Variants in KCNIP4 observed in about 807,000 individuals in gnomAD.
KCNIP4 encodes potassium voltage-gated channel interacting protein 4, also known as Kv channel-interacting protein 4.
KCNIP4 carries 12 observed loss-of-function variants against 34.0 expected under a neutral mutation model. That is an observed-to-expected ratio of 0.35 (90% CI 0.23 to 0.57). The LOEUF is 0.57. Among genes scored for constraint, KCNIP4 ranks in the 20% least tolerant of loss-of-function variants. The pLI is 0.83. For missense variants in KCNIP4, 238 were observed against 311.7 expected, an observed-to-expected ratio of 0.76 and a Z score of 1.78; for synonymous variants, 124 against 102.2, an observed-to-expected ratio of 1.21 and a Z score of -1.29.
At chr4:21,720,508 T>C (rs913842706) in intron 1 of KCNIP4, among the ~76,000 whole-genome samples, 1 of 146,748 alleles carries the variant, frequency 6.8e-6, no homozygotes, top group African/African-American at 2.6e-5. Context: ...TGTTGTTTTT[T>C]TTCCCCCATT....
At chr4:21,077,189 T>C (rs1224185267) in intron 1 of KCNIP4, among the ~76,000 whole-genome samples, 2 of 152,014 alleles carry the variant, frequency 1.3e-5, no homozygotes, top group Non-Finnish European at 2.9e-5. Flanking sequence ...TGAGGTTTTA[T>C]TGCTCCATTT....
intron 1 of KCNIP4, among the ~76,000 whole-genome samples, chr4:21,675,204 A>C (rs1749797334): frequency 6.6e-6 from 1 of 152,208 alleles, no homozygotes; most frequent in African/African-American, 2.4e-5. Flanking sequence ...GAGAAAGACA[A>C]ATATTGCATA....
intron 1 of KCNIP4, among the ~76,000 whole-genome samples, chr4:21,771,126 A>G (rs1325662007): frequency 6.6e-6 from 1 of 152,144 alleles, no homozygotes; most frequent in Admixed American, 6.6e-5. Context: ...GTACAAGTGT[A>G]AAGAAGGGGT....
At chr4:21,089,887 T>C (rs1489951572) in intron 1 of KCNIP4, among the ~76,000 whole-genome samples, 2 of 152,192 alleles carry the variant, frequency 1.3e-5, no homozygotes, top group Non-Finnish European at 2.9e-5. Flanking sequence ...CCTATACTGG[T>C]TGTCTATTCT....
At chr4:21,355,924 T>C (rs371470029) in intron 1 of KCNIP4, among the ~76,000 whole-genome samples, 51 of 152,204 alleles carry the variant, frequency 3.4e-4, no homozygotes, top group East Asian at 2.7e-3. Flanking sequence ...GCAAACCGAA[T>C]CCAGCAGCAC....
intron 1 of KCNIP4, among the ~76,000 whole-genome samples, chr4:21,372,754 A>G (rs1446355878): frequency 6.8e-6 from 1 of 146,604 alleles, no homozygotes; most frequent in Non-Finnish European, 1.5e-5. Context: ...AGGAATATGA[A>G]CTAAAAAAGC....
chr4:21,785,186 A>G (rs955701896), intron 1 of KCNIP4, among the ~76,000 whole-genome samples: 3 of 152,168 alleles, frequency 2.0e-5, no homozygotes, highest in Admixed American at 6.5e-5. Flanking sequence ...CATATAACTC[A>G]CATACCACAG....
intron 1 of KCNIP4, among the ~76,000 whole-genome samples, chr4:21,673,858 C>T (rs535801016): frequency 2.0e-5 from 3 of 152,138 alleles, no homozygotes; most frequent in African/African-American, 2.4e-5. Flanking sequence ...TTCCATATGA[C>T]TGACTTGTAG....
intron 1 of KCNIP4, among the ~76,000 whole-genome samples, chr4:21,300,192 C>A (rs1008665330): frequency 1.3e-5 from 2 of 152,092 alleles, no homozygotes; most frequent in Non-Finnish European, 1.5e-5. Flanking sequence ...CCCAGTGTTA[C>A]ATATAGAGAT....
intron 1 of KCNIP4, among the ~76,000 whole-genome samples, chr4:21,510,078 CAA>C (rs759477091): frequency 2.8e-3 from 181 of 65,218 alleles, no homozygotes; most frequent in Middle Eastern, 8.8e-3. Flanking sequence ...ACTCCATCTC[CAA>C]AAAAAAAAAA....
intron 1 of KCNIP4, among the ~76,000 whole-genome samples, chr4:21,648,592 G>A (rs367583247): frequency 5.9e-5 from 9 of 152,218 alleles, no homozygotes; most frequent in Admixed American, 2.0e-4. Flanking sequence ...TGAGCCAGTC[G>A]TTTACATCAA....
At chr4:21,455,841 A>AAC (rs1728913008) in intron 1 of KCNIP4, among the ~76,000 whole-genome samples, 2 of 105,840 alleles carry the variant, frequency 1.9e-5, no homozygotes, top group African/African-American at 7.5e-5. Flanking sequence ...ATATATATAT[A>AAC]TATATATATA....
At chr4:21,816,722 C>T (rs905790914) in intron 1 of KCNIP4, among the ~76,000 whole-genome samples, 1 of 152,138 alleles carries the variant, frequency 6.6e-6, no homozygotes, top group Non-Finnish European at 1.5e-5. Context: ...CATCCCACCC[C>T]TATAATTATT....
chr4:20,830,319 C>T (rs1456512015), intron 3 of KCNIP4, among the ~76,000 whole-genome samples: 1 of 152,206 alleles, frequency 6.6e-6, no homozygotes, highest in Non-Finnish European at 1.5e-5. Context: ...ATGCCAACTG[C>T]TAACCTCAAG....
chr4:21,337,713 T>C (rs369381221), intron 1 of KCNIP4, among the ~76,000 whole-genome samples: 53 of 152,122 alleles, frequency 3.5e-4, no homozygotes, highest in African/African-American at 1.2e-3. Context: ...AAAAGATAAT[T>C]AATGTACCTC....
chr4:20,815,077 A>G (rs534142296), intron 3 of KCNIP4, among the ~76,000 whole-genome samples: 1 of 152,290 alleles, frequency 6.6e-6, no homozygotes, highest in South Asian at 2.1e-4. Context: ...AATGATTATT[A>G]TTGCTACTAC....
At chr4:21,773,746 T>TTTTTTTG (rs1553930245) in intron 1 of KCNIP4, among the ~76,000 whole-genome samples, 1 of 52,326 alleles carries the variant, frequency 1.9e-5, no homozygotes, top group African/African-American at 1.1e-4. Flanking sequence ...TTTTTTGTTG[T>TTTTTTTG]TTTTTTTTTT....
Position 21,736,789 on chromosome 4 carries a change from T to G in KCNIP4, c.61+211782A>C, listed in dbSNP as rs114223755. Among the ~76,000 whole-genome samples the G allele has an allele frequency of 3.6e-3, 549 of 152,262 alleles. 2 individuals carry two copies. Among genetic ancestry groups the G allele is most frequent in the African/African-American group, 0.012 (519 of 41,558 alleles). On this transcript the variant is annotated intron_variant, in intron 1 of 8. Coordinates refer to ENST00000382152, the MANE Select transcript of KCNIP4 (RefSeq NM_025221.6). ...TTAGATTTAACTTTCTGGAATCTAT[T>G]TTTGTATCCCAGGGATTTGACACAC...
chr4:21,358,265 A>G (rs1357549366), intron 1 of KCNIP4, among the ~76,000 whole-genome samples: 1 of 152,144 alleles, frequency 6.6e-6, no homozygotes, highest in Non-Finnish European at 1.5e-5. Context: ...ACATGCATAC[A>G]TATGTAACAA....
Sources: gnomAD v4.1 joint callset for allele counts (sites outside exome capture counted in the v4.1 genomes callset) on GRCh38, gnomAD v4.1.1 for gene constraint, MANE v1.5 for transcripts, NCBI Gene and HGNC (gene_info 2026-07-23, HGNC 2026-07-21) for gene names.